Variants in DDX31 observed in about 807,000 individuals in gnomAD.
DDX31 encodes ATP-dependent DNA helicase DDX31.
A neutral mutation model predicts 91.3 loss-of-function variants in DDX31; 70 were observed. The ratio of observed to expected loss-of-function variants is 0.77; its 90% CI spans 0.63 to 0.94. DDX31 has a LOEUF of 0.94. Among genes scored for constraint, DDX31 ranks in the 40% least tolerant of loss-of-function variants. The probability of loss-of-function intolerance (pLI) is 0.00; values close to 1 mark genes in which losing one functional copy is unlikely to be tolerated. For missense variants in DDX31, 902 were observed against 925.0 expected (o/e 0.98, Z 0.32); for synonymous variants, 362 against 350.6 (o/e 1.03, Z -0.36).
chr9:132,658,484 G>A lies in DDX31; in HGVS notation c.588+187C>T, dbSNP rs941596278. 59 of 672,594 alleles carry A rather than the reference G, an allele frequency of 8.8e-5. 1 individual carries two copies. The South Asian group carries it at 9.4e-4, about 11-fold the overall frequency. The allele number at this position is 672,594 out of a possible 1,614,324, so 41.7% of individuals were successfully genotyped here. ...TTACACTTACTATGACAATTGTGAAGTGTATTTATTCTACTCTAGGCACAG... is the reference window on the plus strand; with the variant it reads ...TTACACTTACTATGACAATTGTGAAATGTATTTATTCTACTCTAGGCACAG... On this transcript the variant is annotated intron_variant, in intron 6 of 19. Transcript: ENST00000372159.
In DDX31 at chr9:132,595,398, C is replaced by G. The variant is rs1830392269; in HGVS notation, c.1995-286G>C. Among the ~76,000 whole-genome samples the G allele has an allele frequency of 6.6e-6, 1 of 152,194 alleles. No individual in the cohort carries two copies. Among genetic ancestry groups the G allele is most frequent in the African/African-American group, 2.4e-5 (1 of 41,434 alleles). On this transcript the variant is annotated intron_variant, in intron 19 of 19. Transcript: ENST00000372159. This position sits in a 1 kb window ranked among gnomAD's most constrained non-coding sequence, Gnocchi z 4.6. ...AAAAAAAGAACTATACACCCTCATG[C>G]TCTGATGGCAAATGAGGTGTATGAT...
Position 132,595,051 on chromosome 9 carries a change from A to G in DDX31, c.2056T>C (p.Tyr686His). 2 of 1,614,194 alleles carry G rather than the reference A, an allele frequency of 1.2e-6. No homozygotes were observed. Among genetic ancestry groups the G allele is most frequent in the East Asian group, 2.2e-5 (1 of 44,874 alleles). The change falls in exon 20 of 20, where the codon TAC becomes CAC. Residue 686 changes from tyrosine (Y) to histidine (H), a missense_variant. Physicochemically the swap from Tyr to His is moderately conservative, Grantham distance 83 (BLOSUM62 2). Transcript: ENST00000372159. The surrounding 1 kb of genome is among the most constrained non-coding windows in gnomAD (Gnocchi z 4.6). Reference sequence around the variant, plus strand: ...ATGTCGGCCTCCATGCCGCTTGAGTATTCCGAACGTAGGATTTCAGCGAGG... The same window carrying G: ...ATGTCGGCCTCCATGCCGCTTGAGTGTTCCGAACGTAGGATTTCAGCGAGG... ...HSLAEILRSE[Y>H]SSGMEADIAK...
rs976536388 is a variant in DDX31, at chr9:132,594,751, C to T, written c.*115G>A. On this transcript the variant is annotated 3_prime_UTR_variant, in exon 20 of 20. Transcript: ENST00000372159. The stretch of plus-strand genomic sequence containing the variant: ...CTGTGGCCCCTCTGATTCTTGGGGA[C>T]GTGGTATTCAGGCAAAGGCGCAGTT... The T allele has an allele frequency of 1.2e-4, 182 of 1,486,366 alleles. No individual in the cohort carries two copies. Among genetic ancestry groups the T allele is most frequent in the East Asian group, 2.7e-4 (12 of 44,016 alleles). 92.1% of individuals were successfully genotyped at this position (1,486,366 alleles called of 1,614,324 possible). A position where few individuals can be genotyped will look rare whatever the true frequency, so the allele number is the denominator to read the frequency against.
chr9:132,598,166 CA>C (rs1830539700), intron 19 of DDX31, among the ~76,000 whole-genome samples: 1 of 152,170 alleles, frequency 6.6e-6, no homozygotes, highest in South Asian at 2.1e-4. Flanking sequence ...GCCACCTCAA[CA>C]AAACCCATTC....
At chr9:132,621,406 G>A (rs1295617146) in intron 17 of DDX31, among the ~76,000 whole-genome samples, 1 of 152,106 alleles carries the variant, frequency 6.6e-6, no homozygotes, top group Non-Finnish European at 1.5e-5. Flanking sequence ...CTCTTTGTAG[G>A]TAGGTGAACA....
chr9:132,663,214 T>C (rs1157341665), intron 1 of DDX31: 31 of 1,289,170 alleles, frequency 2.4e-5, no homozygotes, highest in Non-Finnish European at 3.1e-5. Flanking sequence ...AGCGGAAACA[T>C]TCATTACCAT....
At position 132,669,867 on chromosome 9, in the gene DDX31, G is replaced by A. The variant is rs143869486; in HGVS notation, c.68C>T (p.Ala23Val). 2.9e-4 allele frequency: 466 copies of A among 1,588,014 alleles called. No individual in the cohort carries two copies. In the African/African-American group the frequency reaches 5.4e-3, roughly 18 times the overall value. Reference sequence around the variant, plus strand: ...AGCCGGGTCAGAACTCACCCGACTCGCCTGGGCTGGGGGACGTCTGGAGAA... The same window carrying A: ...AGCCGGGTCAGAACTCACCCGACTCACCTGGGCTGGGGGACGTCTGGAGAA... ...RTFSRRPPAQ[A>V]SRQAKATKRK... Residue 23 changes from alanine (A) to valine (V), a missense_variant, in exon 1 of 20, where the codon GCG becomes GTG. Transcript: ENST00000372159.
At chr9:132,646,215 A>C in intron 12 of DDX31, 144 bp from the exon 13 acceptor site, 1 of 848,608 alleles carries the variant, frequency 1.2e-6, no homozygotes, top group Non-Finnish European at 1.8e-6. Context: ...AAAAACAAAA[A>C]CAAAAACAGT....
intron 19 of DDX31, among the ~76,000 whole-genome samples, chr9:132,601,396 C>T (rs927376326): frequency 7.2e-5 from 11 of 152,146 alleles, no homozygotes; most frequent in African/African-American, 9.7e-5. Context: ...GGTCTGGGTT[C>T]GAATCGCGGC....
chr9:132,644,526 G>C (rs1019711815), intron 13 of DDX31, among the ~76,000 whole-genome samples: 1 of 152,168 alleles, frequency 6.6e-6, no homozygotes, highest in South Asian at 2.1e-4. Context: ...TGCCCCCAGA[G>C]GGCACAGCTA....
Position 132,662,434 on chromosome 9 carries a change from C to A in DDX31, c.332+5G>T, listed in dbSNP as rs770184222. The A allele has an allele frequency of 1.2e-6, 2 of 1,614,198 alleles. No homozygotes were observed. The highest frequency in any genetic ancestry group is 1.7e-6 in the Non-Finnish European group (2 of 1,180,012). ...TTCCTGAAGGGCATCCGCCCCTGGA[C>A]ATACCTGTGGAGTTCTGGAATGTCA... On this transcript the variant is annotated splice_donor_5th_base_variant and intron_variant, in intron 2 of 19. Transcript: ENST00000372159.
At position 132,594,557 on chromosome 9, in the gene DDX31, G is replaced by A. The variant is rs73560850; in HGVS notation, c.*309C>T. On this transcript the variant is annotated 3_prime_UTR_variant, in exon 20 of 20. Transcript: ENST00000372159. ...GCAGGGCGTTCTTACATCACATCCC[G>A]GGGTGCCAGCTCAACCCCGGCACGT... is the stretch of plus-strand genomic sequence containing the variant. 8.3e-3 allele frequency: 2,283 copies of A among 275,476 alleles called. 32 individuals are homozygous for A. Among genetic ancestry groups the A allele is most frequent in the African/African-American group, 0.032 (1,462 of 46,042 alleles). The allele number at this position is 275,476 out of a possible 1,614,324, so 17.1% of individuals were successfully genotyped here.
chr9:132,651,087 C>T lies in DDX31; in HGVS notation c.663G>A (p.Gln221=), dbSNP rs1316015351. The change falls in exon 8 of 20, where the codon CAG becomes CAA. Residue 221 remains glutamine, a synonymous_variant. Transcript: ENST00000372159. ...ELALQSFDTV[Q]KLLKPFTWIV... ...TGGTTTGCCTTACCTTAAGCAGTTT[C>T]TGGACAGTGTCAAAGCTTTGTAGAG... is the stretch of plus-strand genomic sequence containing the variant. 2.5e-6 allele frequency: 4 copies of T among 1,612,520 alleles called. No individual in the cohort carries two copies. Among genetic ancestry groups the T allele is most frequent in the Non-Finnish European group, 3.4e-6 (4 of 1,179,550 alleles).
intron 13 of DDX31, among the ~76,000 whole-genome samples, chr9:132,644,689 G>A (rs1156378830): frequency 6.6e-6 from 1 of 152,188 alleles, no homozygotes; most frequent in Non-Finnish European, 1.5e-5. Flanking sequence ...TTGGATCGAC[G>A]CCGCAGAATG....
chr9:132,622,294 A>C (rs1431238123), intron 17 of DDX31, among the ~76,000 whole-genome samples: 1 of 152,218 alleles, frequency 6.6e-6, no homozygotes, highest in African/African-American at 2.4e-5. Context: ...CCTGGCTCTT[A>C]CTCATGAAGT....
At chr9:132,637,739 A>G in intron 14 of DDX31, 1 of 881,536 alleles carries the variant, frequency 1.1e-6, no homozygotes. Flanking sequence ...GAGCCGCCAA[A>G]AAACTGGCAA....
At chr9:132,660,091 T>C (rs1263075997) in intron 4 of DDX31, among the ~76,000 whole-genome samples, 1 of 152,078 alleles carries the variant, frequency 6.6e-6, no homozygotes, top group Admixed American at 6.5e-5. Context: ...ATCCCTGCAC[T>C]TTGGGAAGCT....
chr9:132,628,991 G>A (rs1564301795), intron 16 of DDX31, among the ~76,000 whole-genome samples: 1 of 152,272 alleles, frequency 6.6e-6, no homozygotes, highest in Non-Finnish European at 1.5e-5. Flanking sequence ...GGCTGCGCCA[G>A]CGGGCTTGCA....
rs376117002 is a variant in DDX31 at position 132,595,458 on chromosome 9, C to G, written c.1995-346G>C. On this transcript the variant is annotated intron_variant, in intron 19 of 19. Coordinates refer to ENST00000372159, the MANE Select transcript of DDX31 (RefSeq NM_022779.9). The surrounding 1 kb of genome is among the most constrained non-coding windows in gnomAD (Gnocchi z 4.6). The stretch of plus-strand genomic sequence containing the variant: ...TGCCAAAGGACAGGGAAAAACCCAC[C>G]GTCACACTCAACAACATGAAGCAGT... 5.4e-4 allele frequency among the ~76,000 whole-genome samples: 82 copies of G among 152,264 alleles called. No homozygotes were observed. The South Asian group carries it at 0.016, about 30-fold the overall frequency.
Sources: allele counts gnomAD v4.1 joint callset (sites outside exome capture counted in the v4.1 genomes callset), GRCh38; gene constraint gnomAD v4.1.1; non-coding constraint Gnocchi (gnomAD v3.1); transcripts MANE v1.5; gene names NCBI Gene and HGNC (gene_info 2026-07-23, HGNC 2026-07-21).